The following PHACTR2 variants were observed in gnomAD, a reference collection of about 807,000 sequenced individuals.
The protein encoded by PHACTR2 is phosphatase and actin regulator 2.
A neutral mutation model predicts 76.0 loss-of-function variants in PHACTR2; 30 were observed. The observed-to-expected ratio is 0.39, with a 90% CI of 0.30 to 0.54. PHACTR2 has a LOEUF of 0.54. Ranked by LOEUF, PHACTR2 falls within the 20% of genes least tolerant of loss-of-function variation. PHACTR2 has a pLI of 0.61. For missense variants in PHACTR2, 696 were observed against 781.1 expected, an observed-to-expected ratio of 0.89 and a Z score of 1.30; for synonymous variants, 292 against 292.5, an observed-to-expected ratio of 1.00 and a Z score of 0.02.
At chr6:143,748,310 C>T (rs1313476156) in intron 2 of PHACTR2, among the ~76,000 whole-genome samples, 1 of 152,200 alleles carries the variant, frequency 6.6e-6, no homozygotes, top group Non-Finnish European at 1.5e-5. Flanking sequence ...GTGATCCACC[C>T]ACCTCGGCCC....
chr6:143,619,348 C>G lies in PHACTR2; in HGVS notation c.13+11026C>G, dbSNP rs904681114. 2.0e-5 allele frequency among the ~76,000 whole-genome samples: 3 copies of G among 152,196 alleles called. No homozygotes were observed. Among genetic ancestry groups the G allele is most frequent in the Admixed American group, 6.5e-5 (1 of 15,286 alleles). On this transcript the variant is annotated intron_variant, in intron 1 of 11. Transcript: ENST00000305766. The surrounding 1 kb of genome is among the most constrained non-coding windows in gnomAD (Gnocchi z 4.5). ...GATTCCTCTACGCCCTGGTGAGACC[C>G]ATTATCGGTCTAAGAAACATATAAT...
rs962193038 is a variant in PHACTR2, at chr6:143,784,065, A to G, written c.1707+785A>G. ...AAAAAAAAGAAAAAAAGAAGTGAAAAAAGTTTTTAATTATGATAAAAATTA... is the reference window on the plus strand; with the variant it reads ...AAAAAAAAGAAAAAAAGAAGTGAAAGAAGTTTTTAATTATGATAAAAATTA... On this transcript the variant is annotated intron_variant, in intron 10 of 12. Transcript: ENST00000440869. This position sits in a 1 kb window ranked among gnomAD's most constrained non-coding sequence, Gnocchi z 4.5. Among the ~76,000 whole-genome samples, 5 of 152,146 alleles carry G rather than the reference A, an allele frequency of 3.3e-5. No homozygotes were observed. The South Asian group carries it at 1.0e-3, about 31-fold the overall frequency.
chr6:143,792,348 G>A (rs1461722181), intron 11 of PHACTR2, among the ~76,000 whole-genome samples: 1 of 151,926 alleles, frequency 6.6e-6, no homozygotes, highest in Non-Finnish European at 1.5e-5. Flanking sequence ...AAGGCATCTG[G>A]TATGCCATTT....
Position 143,818,484 on chromosome 6 carries a change from G to C in PHACTR2, c.1923-5190G>C, listed in dbSNP as rs1050622027. 2.0e-5 allele frequency among the ~76,000 whole-genome samples: 3 copies of C among 152,190 alleles called. No individual in the cohort carries two copies. The highest frequency in any genetic ancestry group is 7.2e-5 in the African/African-American group (3 of 41,450). On this transcript the variant is annotated intron_variant, in intron 12 of 12. Coordinates refer to ENST00000440869, the MANE Select transcript of PHACTR2 (RefSeq NM_001100164.2). The surrounding 1 kb of genome is among the most constrained non-coding windows in gnomAD (Gnocchi z 4.9). ...AGATGCATAGCACTTGGACTTGTAA[G>C]CTCTGGTAAGTATTATATTAGGATT...
Position 143,653,793 on chromosome 6 carries a change from A to C in PHACTR2, c.13+45471A>C, listed in dbSNP as rs10872562. ...GAAGAAAACATAGGTGTAAATTTTC[A>C]TGACCTTGAATTAGGCAATTATTTC... On this transcript the variant is annotated intron_variant, in intron 1 of 11. Transcript: ENST00000305766. The surrounding 1 kb of genome is among the most constrained non-coding windows in gnomAD (Gnocchi z 4.9). Among the ~76,000 whole-genome samples, 1 of 152,026 alleles carries C rather than the reference A, an allele frequency of 6.6e-6. No homozygotes were observed. The highest frequency in any genetic ancestry group is 6.6e-5 in the Admixed American group (1 of 15,264).
rs757962222 is a variant in PHACTR2, at chr6:143,783,230, G to C, written c.1657G>C (p.Glu553Gln). The stretch of plus-strand genomic sequence containing the variant: ...CCTTTAATAAACAGAAAAGAATGAA[G>C]AAGAGGAACAAGAAGCAAAAATGGA... ...QRNILKQKNEEEEQEAKMELK... is the reference protein window; with the variant it reads ...QRNILKQKNEQEEQEAKMELK... Residue 553 changes from glutamate (E) to glutamine (Q), a missense_variant, in exon 10 of 13, where the codon GAA (glutamate) becomes CAA (glutamine). Glu to Gln is a conservative substitution (Grantham distance 29, BLOSUM62 2). Around this residue, in one of 2 missense-constraint regions of PHACTR2, gnomAD observed 236 missense variants for 330.2 expected, o/e 0.71. Coordinates refer to ENST00000440869, the MANE Select transcript of PHACTR2 (RefSeq NM_001100164.2). The surrounding 1 kb of genome is among the most constrained non-coding windows in gnomAD (Gnocchi z 5.2). 10 of 1,604,568 alleles carry C rather than the reference G, an allele frequency of 6.2e-6. No homozygotes were observed. The highest frequency in any genetic ancestry group is 2.2e-5 in the South Asian group (2 of 90,706).
chr6:143,825,795 C>A lies in PHACTR2; in HGVS notation c.*2106C>A, dbSNP rs889142668. On this transcript the variant is annotated 3_prime_UTR_variant, in exon 13 of 13. Coordinates refer to ENST00000440869, the MANE Select transcript of PHACTR2 (RefSeq NM_001100164.2). The surrounding 1 kb of genome is among the most constrained non-coding windows in gnomAD (Gnocchi z 4.1). ...CTCTATAATGGTAAATGTAAGACAT[C>A]ACCATTTTATCACTCAAAGTATGTT... 3.3e-5 allele frequency: 5 copies of A among 151,866 alleles called. No homozygotes were observed. Among genetic ancestry groups the A allele is most frequent in the Non-Finnish European group, 4.4e-5 (3 of 68,008 alleles). The allele number at this position is 151,866 out of a possible 1,614,324, so 9.4% of individuals were successfully genotyped here.
At position 143,550,733 on chromosome 6, in the gene PHACTR2, C is replaced by CAAA. The variant is rs988685521; in HGVS notation, c.217+13529_217+13531dup. Reference sequence around the variant, plus strand: ...ATAGATTTAAAAAAACAAACAACAACAAAAACAAACAAACAAAGATTAGGG... The same window carrying CAAA: ...ATAGATTTAAAAAAACAAACAACAACAAAAAAAACAAACAAACAAAGATTAGGG... On this transcript the variant is annotated intron_variant, in intron 1 of 11. Coordinates refer to the PHACTR2 transcript ENST00000367584. This position sits in a 1 kb window ranked among gnomAD's most constrained non-coding sequence, Gnocchi z 4.8. 1.1e-4 allele frequency among the ~76,000 whole-genome samples: 17 copies of CAAA among 151,938 alleles called. No individual in the cohort carries two copies. Among genetic ancestry groups the CAAA allele is most frequent in the African/African-American group, 4.1e-4 (17 of 41,476 alleles).
At chr6:143,759,160 A>G (rs1207213496) in intron 4 of PHACTR2, among the ~76,000 whole-genome samples, 1 of 152,218 alleles carries the variant, frequency 6.6e-6, no homozygotes, top group African/African-American at 2.4e-5. Context: ...TCAGCATCTC[A>G]TCTGTCTTTC....
rs1181864561 is a variant in PHACTR2 at position 143,543,496 on chromosome 6, G to C, written c.217+6289G>C. Among the ~76,000 whole-genome samples the C allele has an allele frequency of 6.6e-6, 1 of 152,222 alleles. No individual in the cohort carries two copies. Among genetic ancestry groups the C allele is most frequent in the Non-Finnish European group, 1.5e-5 (1 of 68,042 alleles). The stretch of plus-strand genomic sequence containing the variant: ...TGATTAGTGCCCTGTCCTGGGCCTG[G>C]GGGAGAACCTAGGATGGTCGGCTAT... On this transcript the variant is annotated intron_variant, in intron 1 of 11. Coordinates refer to the PHACTR2 transcript ENST00000367584. This position sits in a 1 kb window ranked among gnomAD's most constrained non-coding sequence, Gnocchi z 4.7.
In PHACTR2 at chr6:143,733,119, C is replaced by A. The variant is rs1203535972; in HGVS notation, c.215-15866C>A. ...TTGCTCAGCTGCCCAGGCTGGGTGT[C>A]CAACTGGCTTCAAGTGATTGTCCTA... On this transcript the variant is annotated intron_variant, in intron 2 of 12. Coordinates refer to ENST00000440869, the MANE Select transcript of PHACTR2 (RefSeq NM_001100164.2). This position sits in a 1 kb window ranked among gnomAD's most constrained non-coding sequence, Gnocchi z 4.0. Among the ~76,000 whole-genome samples, 2 of 152,050 alleles carry A rather than the reference C, an allele frequency of 1.3e-5. No individual in the cohort carries two copies. Among genetic ancestry groups the A allele is most frequent in the Admixed American group, 1.3e-4 (2 of 15,242 alleles).
chr6:143,537,691 G>T lies in PHACTR2; in HGVS notation c.217+484G>T, dbSNP rs1781130762. Reference sequence around the variant, plus strand: ...TCTGAAATAAAGACGCCTTTTGCGGGTTGCTGGTAAGAGGACCCGGGATAT... The same window carrying T: ...TCTGAAATAAAGACGCCTTTTGCGGTTTGCTGGTAAGAGGACCCGGGATAT... On this transcript the variant is annotated intron_variant, in intron 1 of 11. Transcript: ENST00000367584. This position sits in a 1 kb window ranked among gnomAD's most constrained non-coding sequence, Gnocchi z 4.4. Among the ~76,000 whole-genome samples the T allele has an allele frequency of 6.6e-6, 1 of 152,170 alleles. No homozygotes were observed. The highest frequency in any genetic ancestry group is 2.4e-5 in the African/African-American group (1 of 41,436).
chr6:143,726,221 A>G (rs1174095852), intron 2 of PHACTR2, among the ~76,000 whole-genome samples: 2 of 152,202 alleles, frequency 1.3e-5, no homozygotes, highest in Non-Finnish European at 1.5e-5. Flanking sequence ...TAGCAGAGAA[A>G]AGTTTCAGTT....
Position 143,800,870 on chromosome 6 carries a change from A to G in PHACTR2, c.1846-6187A>G, listed in dbSNP as rs1288957472. Among the ~76,000 whole-genome samples, 2 of 151,990 alleles carry G rather than the reference A, an allele frequency of 1.3e-5. No homozygotes were observed. The highest frequency in any genetic ancestry group is 6.6e-5 in the Admixed American group (1 of 15,266). ...TTCCACGTTTAGTGCTTCCTTCAGG[A>G]GCTCTTGTAAGGCAGGCCTGGTGAT... On this transcript the variant is annotated intron_variant, in intron 11 of 12. Transcript: ENST00000440869. The surrounding 1 kb of genome is among the most constrained non-coding windows in gnomAD (Gnocchi z 4.8).
rs1432641727 is a variant in PHACTR2, at chr6:143,683,233, T to G, written c.46+5024T>G. Among the ~76,000 whole-genome samples, 1 of 152,012 alleles carries G rather than the reference T, an allele frequency of 6.6e-6. No homozygotes were observed. Among genetic ancestry groups the G allele is most frequent in the Non-Finnish European group, 1.5e-5 (1 of 67,962 alleles). On this transcript the variant is annotated intron_variant, in intron 1 of 12. Transcript: ENST00000440869. This position sits in a 1 kb window ranked among gnomAD's most constrained non-coding sequence, Gnocchi z 4.1. ...GTATTTCATTGTGAAGTGTAGAGCA[T>G]GGTAGATTGGATACAATACATTTTT...
Position 143,556,548 on chromosome 6 carries a change from T to G in PHACTR2, c.217+19341T>G, listed in dbSNP as rs1775177192. Among the ~76,000 whole-genome samples, 1 of 152,194 alleles carries G rather than the reference T, an allele frequency of 6.6e-6. No homozygotes were observed. The highest frequency in any genetic ancestry group is 1.5e-5 in the Non-Finnish European group (1 of 68,028). On this transcript the variant is annotated intron_variant, in intron 1 of 11. Coordinates refer to the PHACTR2 transcript ENST00000367584. The surrounding 1 kb of genome is among the most constrained non-coding windows in gnomAD (Gnocchi z 4.3). ...GTGAAAAAGATGAGAAAAAATATTT[T>G]GAGAAAAGTTGACTAGCTCCTCTGC...
chr6:143,827,033 A>G lies in PHACTR2; in HGVS notation c.*3344A>G, dbSNP rs1056659488. The stretch of plus-strand genomic sequence containing the variant: ...ATATTTAAGGAAATAAAGGAATTCA[A>G]TACACCCTTCAAAAGTCACCAAATA... On this transcript the variant is annotated 3_prime_UTR_variant, in exon 13 of 13. Coordinates refer to ENST00000440869, the MANE Select transcript of PHACTR2 (RefSeq NM_001100164.2). The G allele has an allele frequency of 6.6e-6, 1 of 151,256 alleles. No individual in the cohort carries two copies. The highest frequency in any genetic ancestry group is 6.6e-5 in the Admixed American group (1 of 15,158). The allele number at this position is 151,256 out of a possible 1,614,324, so 9.4% of individuals were successfully genotyped here.
rs1380811885 is a variant in PHACTR2, at chr6:143,823,503, T to G, written c.1923-171T>G. Among the ~76,000 whole-genome samples the G allele has an allele frequency of 6.6e-6, 1 of 152,246 alleles. No homozygotes were observed. The highest frequency in any genetic ancestry group is 1.5e-5 in the Non-Finnish European group (1 of 68,038). On this transcript the variant is annotated intron_variant, in intron 12 of 12. Transcript: ENST00000440869. This position sits in a 1 kb window ranked among gnomAD's most constrained non-coding sequence, Gnocchi z 5.7. Reference sequence around the variant, plus strand: ...GGAAAGCGTTTATATATGCTTTCCTTAATAATATTTGTAACAGTATTTTGT... The same window carrying G: ...GGAAAGCGTTTATATATGCTTTCCTGAATAATATTTGTAACAGTATTTTGT...
chr6:143,663,523 C>T lies in PHACTR2; in HGVS notation c.14-48493C>T, dbSNP rs1317377484. Among the ~76,000 whole-genome samples, 1 of 151,808 alleles carries T rather than the reference C, an allele frequency of 6.6e-6. No homozygotes were observed. The highest frequency in any genetic ancestry group is 1.5e-5 in the Non-Finnish European group (1 of 67,956). On this transcript the variant is annotated intron_variant, in intron 1 of 11. Transcript: ENST00000305766. The surrounding 1 kb of genome is among the most constrained non-coding windows in gnomAD (Gnocchi z 4.1). ...CTAATTCATTTGTGTGATTATCTTT[C>T]CCTGAATAGATCTTTTCTTTGTTTT...
Sources: allele counts gnomAD v4.1 joint callset (sites outside exome capture counted in the v4.1 genomes callset), GRCh38; gene constraint gnomAD v4.1.1; regional missense constraint gnomAD v4.1.1; non-coding constraint Gnocchi (gnomAD v3.1); transcripts MANE v1.5; gene names NCBI Gene and HGNC (gene_info 2026-07-23, HGNC 2026-07-21).